Variants in SLC30A7 observed in about 807,000 individuals in gnomAD.
SLC30A7 encodes zinc transporter 7.
A neutral mutation model predicts 46.0 loss-of-function variants in SLC30A7; 35 were observed. The observed-to-expected ratio is 0.76, with a 90% confidence interval of 0.58 to 1.01. The LOEUF is 1.01. SLC30A7 is among the 50% of genes least tolerant of loss of function. The pLI is 0.00. For missense variants in SLC30A7, 464 were observed against 451.1 expected (o/e 1.03, Z -0.26); for synonymous variants, 147 against 157.8 (o/e 0.93, Z 0.51).
Position 100,975,837 on chromosome 1 carries a change from T to G in SLC30A7, c.*980T>G, listed in dbSNP as rs1259392736. The G allele has an allele frequency of 1.3e-5, 2 of 150,824 alleles. No individual in the cohort carries two copies. The highest frequency in any genetic ancestry group is 3.9e-4 in the East Asian group (2 of 5,168). The allele number at this position is 150,824 out of a possible 1,614,324, so 9.3% of individuals were successfully genotyped here. A position where few individuals can be genotyped will look rare whatever the true frequency, so the allele number is the denominator to read the frequency against. On this transcript the variant is annotated 3_prime_UTR_variant, in exon 11 of 11. Transcript: ENST00000357650. ...CACCACGCCCGGCTATGTTTTTTTTTTTTTTTTTTTTTTTTTTTAACAATG... is the reference window on the plus strand; with the variant it reads ...CACCACGCCCGGCTATGTTTTTTTTGTTTTTTTTTTTTTTTTTTAACAATG...
Position 100,976,725 on chromosome 1 carries a change from T to C in SLC30A7, c.*1868T>C, listed in dbSNP as rs1656540012. 6.6e-6 allele frequency: 1 copy of C among 152,654 alleles called. No homozygotes were observed. The highest frequency in any genetic ancestry group is 6.5e-5 in the Admixed American group (1 of 15,284). The allele number at this position is 152,654 out of a possible 1,614,324, so 9.5% of individuals were successfully genotyped here. The stretch of plus-strand genomic sequence containing the variant: ...TGATTCTAAGTTTTAGAGTGTCTTT[T>C]CCCCTATTTCTGACCTACAACTATA... On this transcript the variant is annotated 3_prime_UTR_variant, in exon 11 of 11. Transcript: ENST00000357650.
intron 8 of SLC30A7, chr1:100,941,107 C>T: frequency 3.1e-6 from 1 of 324,372 alleles, no homozygotes; most frequent in South Asian, 3.2e-5. Flanking sequence ...GCCTCCACCA[C>T]CATAGGGGCC....
chr1:100,939,350 A>G (rs897314632), intron 8 of SLC30A7, among the ~76,000 whole-genome samples: 7 of 152,046 alleles, frequency 4.6e-5, no homozygotes, highest in Non-Finnish European at 8.8e-5. Context: ...TTGATATGCA[A>G]AAATCAATGT....
chr1:100,933,332 G>T (rs1653777058), intron 8 of SLC30A7, among the ~76,000 whole-genome samples: 2 of 151,874 alleles, frequency 1.3e-5, no homozygotes, highest in South Asian at 4.2e-4. Context: ...TCTATACTTT[G>T]CTGCCCCTGT....
chr1:100,970,012 A>T (rs1410358706), intron 10 of SLC30A7, among the ~76,000 whole-genome samples: 1 of 152,168 alleles, frequency 6.6e-6, no homozygotes, highest in East Asian at 1.9e-4. Context: ...TTTAAAAAAA[A>T]TTTTGATCTT....
At chr1:100,947,808 C>T (rs2101065973) in intron 8 of SLC30A7, among the ~76,000 whole-genome samples, 1 of 152,204 alleles carries the variant, frequency 6.6e-6, no homozygotes, top group East Asian at 1.9e-4. Flanking sequence ...TAATGGCCTT[C>T]TTTTGTCTCT....
chr1:100,984,518 G>A (rs1657160498), downstream of SLC30A7, among the ~76,000 whole-genome samples: 8 of 152,260 alleles, frequency 5.3e-5, no homozygotes, highest in South Asian at 1.7e-3. Context: ...TCCAACAGAC[G>A]ACTTCGTAAG....
chr1:100,908,005 C>T (rs1651790793), intron 3 of SLC30A7, among the ~76,000 whole-genome samples: 1 of 150,828 alleles, frequency 6.6e-6, no homozygotes, highest in Admixed American at 6.6e-5. Flanking sequence ...GGCTCAATCT[C>T]TCCTCCTCCT....
intron 3 of SLC30A7, among the ~76,000 whole-genome samples, chr1:100,908,326 T>C (rs1282121934): frequency 1.3e-5 from 2 of 152,234 alleles, no homozygotes; most frequent in Non-Finnish European, 2.9e-5. Flanking sequence ...ATGAGTCAAA[T>C]ACTTTTCTAG....
At chr1:100,942,998 C>A (rs979700790) in intron 8 of SLC30A7, among the ~76,000 whole-genome samples, 2 of 152,202 alleles carry the variant, frequency 1.3e-5, no homozygotes, top group Non-Finnish European at 2.9e-5. Context: ...CCTATAATCA[C>A]ATTCCTTTAA....
chr1:100,928,160 G>A (rs1653429186), intron 8 of SLC30A7, among the ~76,000 whole-genome samples: 1 of 152,154 alleles, frequency 6.6e-6, no homozygotes, highest in Non-Finnish European at 1.5e-5. Context: ...TGTAACCCTG[G>A]TAATCAAGAT....
intron 10 of SLC30A7, among the ~76,000 whole-genome samples, chr1:100,973,636 T>C (rs1473265876): frequency 2.0e-5 from 3 of 152,096 alleles, no homozygotes; most frequent in African/African-American, 7.2e-5. Context: ...TTACTGGGAG[T>C]GCTGAGGTAT....
At chr1:100,907,052 A>C in intron 3 of SLC30A7, 87 bp downstream of exon 3, 2 of 816,136 alleles carry the variant, frequency 2.5e-6, no homozygotes, top group Non-Finnish European at 3.9e-6. Flanking sequence ...ACTTGTTACC[A>C]ATTGAACACA....
In SLC30A7 at chr1:100,906,779, C is replaced by G. The variant is rs114062697; in HGVS notation, c.183-73C>G. ...AATTCCTGATGAACAAAGGCTGAAT[C>G]TTAGACTTTCAGAGAAAGATGCCTA... On this transcript the variant is annotated intron_variant, in intron 2 of 10. Coordinates refer to ENST00000357650, the MANE Select transcript of SLC30A7 (RefSeq NM_133496.5). The G allele has an allele frequency of 2.3e-3, 2,251 of 994,012 alleles. 34 individuals carry two copies. The African/African-American group carries it at 0.032, about 14-fold the overall frequency. 61.6% of individuals were successfully genotyped at this position (994,012 alleles called of 1,614,324 possible). A position where few individuals can be genotyped will look rare whatever the true frequency, so the allele number is the denominator to read the frequency against.
chr1:100,964,229 ATATATATATATG>A lies in SLC30A7; in HGVS notation c.934-1534_934-1523del, dbSNP rs200927263. 3.2e-3 allele frequency among the ~76,000 whole-genome samples: 329 copies of A among 101,508 alleles called. 1 individual carries two copies. The highest frequency in any genetic ancestry group is 0.011 in the Middle Eastern group (2 of 176). 66.6% of individuals were successfully genotyped at this position (101,508 alleles called of 152,430 possible). On this transcript the variant is annotated intron_variant, in intron 9 of 10. Transcript: ENST00000357650. The stretch of plus-strand genomic sequence containing the variant: ...CAGCATAATTGTTACTAATTGTTTT[ATATATATATATG>A]TATATGTATATATACACAATATATG...
chr1:100,979,168 A>G lies in SLC30A7; in HGVS notation c.*4311A>G, dbSNP rs948752291. Reference sequence around the variant, plus strand: ...GTCTTAACCAGAATTCCTACAACTAATTACTAAAACTGCTATTTCTAACTC... The same window carrying G: ...GTCTTAACCAGAATTCCTACAACTAGTTACTAAAACTGCTATTTCTAACTC... On this transcript the variant is annotated 3_prime_UTR_variant, in exon 11 of 11. Transcript: ENST00000357650. 2.6e-5 allele frequency: 4 copies of G among 152,086 alleles called. No homozygotes were observed. Among genetic ancestry groups the G allele is most frequent in the Non-Finnish European group, 5.9e-5 (4 of 68,000 alleles). The allele number at this position is 152,086 out of a possible 1,614,324, so 9.4% of individuals were successfully genotyped here. A position where few individuals can be genotyped will look rare whatever the true frequency, so the allele number is the denominator to read the frequency against.
intron 8 of SLC30A7, among the ~76,000 whole-genome samples, chr1:100,932,804 C>T (rs1200008347): frequency 6.6e-6 from 1 of 152,008 alleles, no homozygotes; most frequent in East Asian, 1.9e-4. Flanking sequence ...GAACAAGGTA[C>T]AGTATAGATG....
intron 8 of SLC30A7, among the ~76,000 whole-genome samples, chr1:100,937,098 C>A (rs141896879): frequency 7.4e-4 from 113 of 152,154 alleles, no homozygotes; most frequent in Non-Finnish European, 1.4e-3. Context: ...TTTACATGTT[C>A]TTATTATTTA....
At chr1:100,896,537 C>G (rs1650946708) in intron 1 of SLC30A7, 33 bp from the exon 2 acceptor site, 1 of 1,597,524 alleles carries the variant, frequency 6.3e-7, no homozygotes, top group Non-Finnish European at 8.6e-7. Context: ...CTCCTTAACT[C>G]TCCCGGCTCT....
Sources: gnomAD v4.1 joint callset for allele counts (sites outside exome capture counted in the v4.1 genomes callset) on GRCh38, gnomAD v4.1.1 for gene constraint, MANE v1.5 for transcripts, NCBI Gene and HGNC (gene_info 2026-07-23, HGNC 2026-07-21) for gene names.